The following CBX5 variants were observed in gnomAD, a reference collection of about 807,000 sequenced individuals.
The protein encoded by CBX5 is chromobox protein homolog 5.
Under a neutral mutation model 20.7 loss-of-function variants are expected in CBX5, and 7 were observed. The observed-to-expected ratio is 0.34, with a 90% CI of 0.19 to 0.63. The LOEUF (loss-of-function observed/expected upper bound fraction) is 0.63. Among genes scored for constraint, CBX5 ranks in the 30% least tolerant of loss-of-function variants. The probability of loss-of-function intolerance (pLI) is 0.75; values close to 1 mark genes in which losing one functional copy is unlikely to be tolerated. For missense variants in CBX5, 110 were observed against 224.1 expected, an observed-to-expected ratio of 0.49 and a Z score of 3.25; for synonymous variants, 78 against 77.0, an observed-to-expected ratio of 1.01 and a Z score of -0.07.
intron 1 of CBX5, among the ~76,000 whole-genome samples, chr12:54,266,413 T>TA (rs1282001422): frequency 3.3e-5 from 5 of 151,598 alleles, no homozygotes; most frequent in Non-Finnish European, 7.4e-5. Context: ...AAATAAAAAA[T>TA]AAAAAAATAA....
chr12:54,255,089 C>T (rs1020049798), intron 2 of CBX5, among the ~76,000 whole-genome samples: 1 of 152,144 alleles, frequency 6.6e-6, no homozygotes, highest in Non-Finnish European at 1.5e-5. Flanking sequence ...ACTGCTGCTT[C>T]TACTTCAGTT....
At chr12:54,267,035 C>T (rs530693983) in intron 1 of CBX5, among the ~76,000 whole-genome samples, 3 of 152,254 alleles carry the variant, frequency 2.0e-5, no homozygotes, top group Admixed American at 6.5e-5. Flanking sequence ...ATGGTGTTTT[C>T]CAACAACTTT....
At chr12:54,269,892 TTAAG>T (rs1218514428) in intron 1 of CBX5, among the ~76,000 whole-genome samples, 2 of 152,220 alleles carry the variant, frequency 1.3e-5, no homozygotes, top group Non-Finnish European at 2.9e-5. Context: ...GGTTCTGTAT[TTAAG>T]TGAGTTTTGG....
intron 3 of CBX5, 24 bp from the exon 4 acceptor site, chr12:54,246,239 G>A (rs899138945): frequency 1.3e-6 from 2 of 1,548,596 alleles, no homozygotes; most frequent in Non-Finnish European, 8.9e-7. Context: ...ATAAAGAAAG[G>A]TTACAGCTTG....
chr12:54,254,697 A>G (rs1330108319), intron 2 of CBX5, among the ~76,000 whole-genome samples: 1 of 151,998 alleles, frequency 6.6e-6, no homozygotes, highest in African/African-American at 2.4e-5. Flanking sequence ...TAATAAAAAT[A>G]CAAAATTTAG....
intron 1 of CBX5, chr12:54,262,548 G>A (rs1943922488): frequency 6.5e-6 from 1 of 152,864 alleles, no homozygotes; most frequent in East Asian, 1.9e-4. Context: ...ATCAGAAGCT[G>A]GCAAGGATGA....
intron 4 of CBX5, among the ~76,000 whole-genome samples, chr12:54,243,601 G>T (rs1337250093): frequency 1.3e-5 from 2 of 150,752 alleles, no homozygotes; most frequent in Admixed American, 1.3e-4. Flanking sequence ...CAGCGTGGTG[G>T]CTCATACCTG....
chr12:54,263,868 C>G (rs1384576148), intron 1 of CBX5, among the ~76,000 whole-genome samples: 1 of 151,514 alleles, frequency 6.6e-6, no homozygotes, highest in African/African-American at 2.4e-5. Flanking sequence ...ATGGTGAAAC[C>G]CTGTCTCTAC....
At chr12:54,272,363 T>C (rs1944018453) in intron 1 of CBX5, 1 of 152,122 alleles carries the variant, frequency 6.6e-6, no homozygotes, top group Admixed American at 6.6e-5. Flanking sequence ...TTCCTAGCAA[T>C]GAAACAGGAT....
At chr12:54,253,243 T>C (rs531697227) in intron 2 of CBX5, among the ~76,000 whole-genome samples, 1 of 152,000 alleles carries the variant, frequency 6.6e-6, no homozygotes, top group East Asian at 1.9e-4. Flanking sequence ...TGCAAAACCC[T>C]GTCTCCACTA....
chr12:54,271,525 T>A (rs1944009993), intron 1 of CBX5, among the ~76,000 whole-genome samples: 1 of 152,174 alleles, frequency 6.6e-6, no homozygotes, highest in Admixed American at 6.5e-5. Context: ...GGTTTCACCA[T>A]GTTGGCCAGG....
At chr12:54,266,419 A>G (rs1485831236) in intron 1 of CBX5, among the ~76,000 whole-genome samples, 1 of 152,074 alleles carries the variant, frequency 6.6e-6, no homozygotes, top group Non-Finnish European at 1.5e-5. Flanking sequence ...AAAATAAAAA[A>G]ATAAATATAA....
chr12:54,237,121 A>G lies in CBX5; in HGVS notation c.*4634T>C, dbSNP rs921574670. 1.5e-4 allele frequency: 23 copies of G among 152,334 alleles called. No individual in the cohort carries two copies. The highest frequency in any genetic ancestry group is 5.1e-4 in the African/African-American group (21 of 41,572). 9.4% of individuals were successfully genotyped at this position (152,334 alleles called of 1,614,324 possible). ...TAGACTTTTAATTGTTAGAAGCACC[A>G]CAGGTCCAAATGCTCCCCAGAGTGG... On this transcript the variant is annotated 3_prime_UTR_variant, in exon 5 of 5. Transcript: ENST00000209875.
chr12:54,271,122 A>C (rs1944005397), intron 1 of CBX5, among the ~76,000 whole-genome samples: 1 of 152,154 alleles, frequency 6.6e-6, no homozygotes, highest in Admixed American at 6.6e-5. Context: ...CAGAAGGTAA[A>C]CTGTCTGTGT....
At chr12:54,279,823 C>T (rs903990506) in intron 1 of CBX5, among the ~76,000 whole-genome samples, 185 bp downstream of exon 1, 1 of 152,230 alleles carries the variant, frequency 6.6e-6, no homozygotes, top group African/African-American at 2.4e-5. Context: ...TCTTCGGCTG[C>T]ACAGCTCCAA....
intron 1 of CBX5, among the ~76,000 whole-genome samples, chr12:54,264,853 A>G (rs967767103): frequency 7.9e-5 from 12 of 152,140 alleles, no homozygotes; most frequent in Non-Finnish European, 1.6e-4. Context: ...CAAAGAAAAA[A>G]AAAAAGAAAA....
In CBX5 at chr12:54,246,194, C is replaced by G; in HGVS notation, c.346G>C (p.Gly116Arg). The G allele has an allele frequency of 6.2e-7, 1 of 1,613,274 alleles. No homozygotes were observed. The highest frequency in any genetic ancestry group is 8.5e-7 in the Non-Finnish European group (1 of 1,179,328). The change falls in exon 4 of 5, where the codon GGC becomes CGC. Residue 116 changes from glycine (G) to arginine (R), a missense_variant. Physicochemically the swap from Gly to Arg is moderately radical, Grantham distance 125. Transcript: ENST00000209875. ...KREQSNDIAR[G>R]FERGLEPEKI... ...TCTGGTTCCAGTCCTCTCTCAAAGCCCCGAGCGATATCATTGCTCTGCTAT... is the reference window on the plus strand; with the variant it reads ...TCTGGTTCCAGTCCTCTCTCAAAGCGCCGAGCGATATCATTGCTCTGCTAT...
At chr12:54,269,502 C>T (rs1374039018) in intron 1 of CBX5, among the ~76,000 whole-genome samples, 1 of 151,936 alleles carries the variant, frequency 6.6e-6, no homozygotes, top group Non-Finnish European at 1.5e-5. Flanking sequence ...GATTCTCCTG[C>T]CTCAGCCTCC....
At chr12:54,257,290 T>C (rs1943870239) in intron 2 of CBX5, among the ~76,000 whole-genome samples, 1 of 152,214 alleles carries the variant, frequency 6.6e-6, no homozygotes, top group Admixed American at 6.5e-5. Context: ...CTCGAGTCTG[T>C]GCTCCTAACC....
Sources: gnomAD v4.1 joint callset for allele counts (sites outside exome capture counted in the v4.1 genomes callset) on GRCh38, gnomAD v4.1.1 for gene constraint, MANE v1.5 for transcripts, NCBI Gene and HGNC (gene_info 2026-07-23, HGNC 2026-07-21) for gene names.